Variants in TEAD1 observed in about 807,000 individuals in gnomAD.
TEAD1 encodes transcriptional enhancer factor TEF-1.
Under a neutral mutation model 54.9 loss-of-function variants are expected in TEAD1, and 9 were observed. That is an observed-to-expected ratio of 0.16 (90% CI 0.10 to 0.29). TEAD1 has a LOEUF of 0.29. TEAD1 is among the 10% of genes least tolerant of loss of function. The pLI is 1.00. For synonymous variants in TEAD1, 200 were observed against 187.8 expected (o/e 1.07, Z -0.53); for missense variants, 387 against 535.9 (o/e 0.72, Z 2.74).
At chr11:12,789,618 G>A (rs938317078) in intron 3 of TEAD1, among the ~76,000 whole-genome samples, 9 of 152,180 alleles carry the variant, frequency 5.9e-5, no homozygotes, top group African/African-American at 1.9e-4. Flanking sequence ...CTTTACACCC[G>A]ACATCTCCCT....
At chr11:12,808,026 A>T (rs2133984119) in intron 3 of TEAD1, among the ~76,000 whole-genome samples, 1 of 152,360 alleles carries the variant, frequency 6.6e-6, no homozygotes, top group African/African-American at 2.4e-5. Context: ...TAAGAGGATG[A>T]AGGAAAAATG....
intron 2 of TEAD1, among the ~76,000 whole-genome samples, chr11:12,742,041 A>AC (rs1292170864): frequency 6.6e-6 from 1 of 152,144 alleles, no homozygotes; most frequent in Admixed American, 6.5e-5. Flanking sequence ...CTTTTCACCC[A>AC]CCATAGATCA....
intron 2 of TEAD1, among the ~76,000 whole-genome samples, chr11:12,718,335 G>A (rs946834994): frequency 6.6e-6 from 1 of 152,108 alleles, no homozygotes; most frequent in African/African-American, 2.4e-5. Flanking sequence ...ATAATCAGGT[G>A]TCCCCCGGCC....
chr11:12,773,273 C>T (rs1249453644), intron 3 of TEAD1, among the ~76,000 whole-genome samples: 1 of 152,218 alleles, frequency 6.6e-6, no homozygotes, highest in East Asian at 1.9e-4. Context: ...TATTCACTTA[C>T]ATGGGATAAA....
intron 10 of TEAD1, among the ~76,000 whole-genome samples, chr11:12,916,678 C>T (rs1725850061): frequency 6.6e-6 from 1 of 152,240 alleles, no homozygotes; most frequent in African/African-American, 2.4e-5. Flanking sequence ...CTTCTGCTGC[C>T]TGTGCTGTCA....
At chr11:12,708,077 C>T (rs993029937) in intron 2 of TEAD1, among the ~76,000 whole-genome samples, 24 of 150,958 alleles carry the variant, frequency 1.6e-4, no homozygotes, top group African/African-American at 5.6e-4. Context: ...AAGTCCCTTA[C>T]AGGACAAGAA....
At chr11:12,932,925 T>A (rs906209060) in intron 12 of TEAD1, among the ~76,000 whole-genome samples, 5 of 152,294 alleles carry the variant, frequency 3.3e-5, no homozygotes, top group Non-Finnish European at 5.9e-5. Context: ...TGTGTAGATA[T>A]GTTTAGATAC....
intron 10 of TEAD1, chr11:12,904,736 A>T (rs958305112): frequency 5.0e-5 from 9 of 180,356 alleles, no homozygotes; most frequent in South Asian, 1.0e-4. Flanking sequence ...AAATTTGCTC[A>T]GTTTTAATTT....
At chr11:12,886,438 GGA>G (rs1948088345) in intron 9 of TEAD1, among the ~76,000 whole-genome samples, 1 of 152,156 alleles carries the variant, frequency 6.6e-6, no homozygotes, top group Non-Finnish European at 1.5e-5. Flanking sequence ...TATGAATTGG[GGA>G]TTGGGAGAAA....
At chr11:12,802,706 C>A (rs1176965022) in intron 3 of TEAD1, among the ~76,000 whole-genome samples, 1 of 152,124 alleles carries the variant, frequency 6.6e-6, no homozygotes, top group African/African-American at 2.4e-5. Context: ...GTGGCCGACC[C>A]GACCGGGTCT....
intron 3 of TEAD1, among the ~76,000 whole-genome samples, chr11:12,858,302 A>G (rs1947432819): frequency 6.6e-6 from 1 of 152,204 alleles, no homozygotes; most frequent in Admixed American, 6.5e-5. Context: ...AGAATTAAAC[A>G]TATAAAATTT....
intron 9 of TEAD1, among the ~76,000 whole-genome samples, chr11:12,896,963 T>C (rs527639237): frequency 9.2e-5 from 14 of 152,314 alleles, no homozygotes; most frequent in Admixed American, 2.0e-4. Flanking sequence ...CCTTGAGATG[T>C]TGATAATCAG....
intron 3 of TEAD1, among the ~76,000 whole-genome samples, chr11:12,831,331 TC>T (rs1439727075): frequency 6.6e-6 from 1 of 152,152 alleles, no homozygotes; most frequent in Admixed American, 6.5e-5. Context: ...CTTTCTTCTT[TC>T]CCTGAATTCC....
intron 2 of TEAD1, among the ~76,000 whole-genome samples, chr11:12,684,415 G>C (rs1943289932): frequency 6.6e-6 from 1 of 152,236 alleles, no homozygotes; most frequent in Non-Finnish European, 1.5e-5. Context: ...AAGTTCTTTT[G>C]TAAGTGGTTG....
At chr11:12,710,912 A>T (rs545647559) in intron 2 of TEAD1, among the ~76,000 whole-genome samples, 4 of 152,132 alleles carry the variant, frequency 2.6e-5, no homozygotes, top group Non-Finnish European at 5.9e-5. Context: ...AGAGATGGAG[A>T]TGGCATTGCA....
At chr11:12,897,891 A>G (rs895390523) in intron 9 of TEAD1, among the ~76,000 whole-genome samples, 5 of 152,200 alleles carry the variant, frequency 3.3e-5, no homozygotes, top group African/African-American at 1.2e-4. Context: ...TTTGGGGGAC[A>G]GTGTGATTAA....
chr11:12,769,699 A>G (rs1015599469), intron 3 of TEAD1, among the ~76,000 whole-genome samples: 1 of 152,124 alleles, frequency 6.6e-6, no homozygotes, highest in Non-Finnish European at 1.5e-5. Flanking sequence ...ATCATGTGGC[A>G]TCTTTGATTT....
At chr11:12,827,951 G>T (rs1455366879) in intron 3 of TEAD1, among the ~76,000 whole-genome samples, 1 of 152,180 alleles carries the variant, frequency 6.6e-6, no homozygotes, top group Non-Finnish European at 1.5e-5. Flanking sequence ...CCTAGCCAAT[G>T]CAAAAATAAA....
In TEAD1 at chr11:12,841,258, A is replaced by G. The variant is rs528856013; in HGVS notation, c.203-20992A>G. Among the ~76,000 whole-genome samples the G allele has an allele frequency of 2.6e-5, 4 of 152,278 alleles. No homozygotes were observed. In the South Asian group the frequency reaches 8.3e-4, roughly 32 times the overall value. On this transcript the variant is annotated intron_variant, in intron 3 of 12. Coordinates refer to ENST00000527636, the MANE Select transcript of TEAD1 (RefSeq NM_021961.6). ...GATAGAATGTAAGCTCAGTGGGTAC[A>G]GAAGAGCTGTCTTTTTTCCCTCCTT...
Sources: allele counts gnomAD v4.1 joint callset (sites outside exome capture counted in the v4.1 genomes callset), GRCh38; gene constraint gnomAD v4.1.1; transcripts MANE v1.5; gene names NCBI Gene and HGNC (gene_info 2026-07-23, HGNC 2026-07-21).